The following FMN1 variants were observed in gnomAD, a reference collection of about 807,000 sequenced individuals.
FMN1 encodes formin-1.
FMN1 carries 110 observed loss-of-function variants against 132.4 expected under a neutral mutation model. The ratio of observed to expected loss-of-function variants is 0.83; its 90% CI spans 0.71 to 0.97. The LOEUF is 0.97. Among genes scored for constraint, FMN1 ranks in the 50% least tolerant of loss-of-function variants. FMN1 has a pLI of 0.00. For missense variants in FMN1, 1,792 were observed against 1,705.3 expected, an observed-to-expected ratio of 1.05 and a Z score of -0.90; for synonymous variants, 722 against 651.7, an observed-to-expected ratio of 1.11 and a Z score of -1.64.
chr15:32,878,133 C>T (rs1353174196), intron 16 of FMN1, among the ~76,000 whole-genome samples: 1 of 152,156 alleles, frequency 6.6e-6, no homozygotes, highest in African/African-American at 2.4e-5. Context: ...GAGCATGGGC[C>T]TATCTGGCAG....
At chr15:32,983,270 A>G (rs919812528) in intron 7 of FMN1, among the ~76,000 whole-genome samples, 1 of 152,230 alleles carries the variant, frequency 6.6e-6, no homozygotes, top group Non-Finnish European at 1.5e-5. Flanking sequence ...AACAGACTAT[A>G]TATTGCATGG....
chr15:32,882,320 A>G (rs914379047), intron 16 of FMN1, among the ~76,000 whole-genome samples: 11 of 152,242 alleles, frequency 7.2e-5, no homozygotes, highest in Non-Finnish European at 1.0e-4. Context: ...GTAGCAAAGT[A>G]ACTTCCACTT....
intron 17 of FMN1, among the ~76,000 whole-genome samples, chr15:32,842,226 G>A (rs1050376740): frequency 2.0e-5 from 3 of 152,176 alleles, no homozygotes; most frequent in African/African-American, 7.2e-5. Flanking sequence ...ACTACTGCGA[G>A]ACCACCATGC....
At chr15:32,845,065 C>A (rs2058826748) in intron 17 of FMN1, among the ~76,000 whole-genome samples, 1 of 152,220 alleles carries the variant, frequency 6.6e-6, no homozygotes, top group South Asian at 2.1e-4. Flanking sequence ...TGCACAATAA[C>A]TCCCAGAAGG....
intron 6 of FMN1, among the ~76,000 whole-genome samples, chr15:33,058,036 C>CGGGCTGGTGGTGGAAAGGGGTGGTG (rs2037307953): frequency 6.8e-6 from 1 of 146,660 alleles, no homozygotes; most frequent in Admixed American, 6.8e-5. Flanking sequence ...AAAGGCGTGG[C>CGGGCTGGTGGTGGAAAGGGGTGGTG]GGGCTGGTGG....
At chr15:33,030,239 G>A (rs1057209892) in intron 6 of FMN1, among the ~76,000 whole-genome samples, 16 of 152,188 alleles carry the variant, frequency 1.1e-4, no homozygotes, top group African/African-American at 3.9e-4. Flanking sequence ...TTAGCTGACT[G>A]AAATGGAAAA....
At chr15:33,097,317 AG>A (rs778165741) in intron 4 of FMN1, among the ~76,000 whole-genome samples, 3 of 88,638 alleles carry the variant, frequency 3.4e-5, no homozygotes, top group African/African-American at 1.5e-4. Flanking sequence ...AAAAAAAAAA[AG>A]AGAGAGAGAG....
intron 7 of FMN1, among the ~76,000 whole-genome samples, chr15:32,969,935 T>G (rs998440770): frequency 4.6e-5 from 7 of 152,228 alleles, no homozygotes; most frequent in Admixed American, 4.6e-4. Context: ...AGAATGTCTC[T>G]TTCACTGAGT....
intron 6 of FMN1, among the ~76,000 whole-genome samples, chr15:33,040,461 C>T (rs980165094): frequency 3.3e-5 from 5 of 152,188 alleles, no homozygotes; most frequent in African/African-American, 7.2e-5. Context: ...ATTCCAAGTA[C>T]CTGTCAAACT....
intron 7 of FMN1, among the ~76,000 whole-genome samples, chr15:32,971,850 C>CT (rs1158886629): frequency 6.6e-6 from 1 of 152,184 alleles, no homozygotes; most frequent in Non-Finnish European, 1.5e-5. Context: ...AATCTTGTAT[C>CT]TAGAGCAAAA....
chr15:33,073,104 C>A (rs1306436148), intron 5 of FMN1, among the ~76,000 whole-genome samples: 5 of 152,172 alleles, frequency 3.3e-5, no homozygotes, highest in Non-Finnish European at 7.3e-5. Flanking sequence ...AAACTGGACA[C>A]TGAAAGAAAC....
intron 17 of FMN1, among the ~76,000 whole-genome samples, chr15:32,855,157 T>TAAAAAAAAAAAA (rs750275479): frequency 5.6e-4 from 48 of 85,460 alleles, no homozygotes; most frequent in African/African-American, 8.1e-4. Context: ...ACGTGGAGAG[T>TAAAAAAAAAAAA]AAAAAAAAAA....
intron 6 of FMN1, chr15:33,063,062 G>C (rs185653882): frequency 6.6e-6 from 1 of 152,268 alleles, no homozygotes; most frequent in Non-Finnish European, 1.5e-5. Flanking sequence ...TCTCCAGGAG[G>C]GCTTTAGAAG....
At chr15:32,880,939 G>T (rs1305437851) in intron 16 of FMN1, among the ~76,000 whole-genome samples, 1 of 152,066 alleles carries the variant, frequency 6.6e-6, no homozygotes, top group Admixed American at 6.6e-5. Flanking sequence ...ATATCACATG[G>T]TAAGTGGCAG....
intron 17 of FMN1, among the ~76,000 whole-genome samples, chr15:32,831,575 G>A (rs1345343589): frequency 6.6e-6 from 1 of 152,058 alleles, no homozygotes; most frequent in Non-Finnish European, 1.5e-5. Context: ...GGGGTGGGGA[G>A]GTTGGTATTG....
intron 17 of FMN1, among the ~76,000 whole-genome samples, chr15:32,810,406 C>T (rs1359176578): frequency 6.6e-6 from 1 of 152,172 alleles, no homozygotes; most frequent in African/African-American, 2.4e-5. Context: ...ATCCTATGTC[C>T]TGCTTTTAGA....
chr15:32,893,397 C>T (rs374538761), intron 15 of FMN1, among the ~76,000 whole-genome samples: 16 of 152,326 alleles, frequency 1.1e-4, no homozygotes, highest in Admixed American at 3.9e-4. Context: ...CTCGTGCGCG[C>T]GCTAGAAAAA....
At chr15:32,801,829 T>G (rs1333703122) in intron 18 of FMN1, among the ~76,000 whole-genome samples, 1 of 152,134 alleles carries the variant, frequency 6.6e-6, no homozygotes, top group Non-Finnish European at 1.5e-5. Flanking sequence ...CAGTGTGCCT[T>G]ATTTGATTTC....
At position 32,849,253 on chromosome 15, in the gene FMN1, A is replaced by G. The variant is rs572469670; in HGVS notation, c.3928+7762T>C. Among the ~76,000 whole-genome samples the G allele has an allele frequency of 7.3e-5, 11 of 151,280 alleles. No individual in the cohort carries two copies. In the East Asian group the frequency reaches 2.1e-3, roughly 29 times the overall value. The stretch of plus-strand genomic sequence containing the variant: ...TGATCTGCCCGCCTCGGCCTCCCAA[A>G]GTGCTGTGATTATAGGCGTGAGCCA... On this transcript the variant is annotated intron_variant, in intron 17 of 20. Transcript: ENST00000616417.
Sources: allele counts gnomAD v4.1 joint callset (sites outside exome capture counted in the v4.1 genomes callset), GRCh38; gene constraint gnomAD v4.1.1; transcripts MANE v1.5; gene names NCBI Gene and HGNC (gene_info 2026-07-23, HGNC 2026-07-21).